The following NEFM variants were observed in gnomAD, a reference collection of about 807,000 sequenced individuals.
NEFM encodes neurofilament medium polypeptide.
NEFM carries 16 observed loss-of-function variants against 48.1 expected under a neutral mutation model. The observed-to-expected ratio is 0.33, with a 90% CI of 0.23 to 0.51. NEFM has a LOEUF of 0.51. NEFM is among the 20% of genes least tolerant of loss of function. The pLI is 0.98. For synonymous variants in NEFM, 465 were observed against 456.9 expected, an observed-to-expected ratio of 1.02 and a Z score of -0.23; for missense variants, 1,107 against 1,136.0, an observed-to-expected ratio of 0.97 and a Z score of 0.37.
rs141567711 is a variant in NEFM at position 24,915,136 on chromosome 8, C to T, written c.1080+263C>T. Reference sequence around the variant, plus strand: ...CATCTTTTCCAGTTCTAATTTTGCACGCTTGCACGTTTAAAGCAGGAGGGA... The same window carrying T: ...CATCTTTTCCAGTTCTAATTTTGCATGCTTGCACGTTTAAAGCAGGAGGGA... On this transcript the variant is annotated intron_variant, in intron 1 of 2. Transcript: ENST00000221166. The T allele has an allele frequency of 2.8e-4, 376 of 1,349,078 alleles. 2 individuals carry two copies. In the East Asian group the frequency reaches 0.011, roughly 38 times the overall value. 83.6% of individuals were successfully genotyped at this position (1,349,078 alleles called of 1,614,324 possible). A position where few individuals can be genotyped will look rare whatever the true frequency, so the allele number is the denominator to read the frequency against.
chr8:24,917,218 G>C lies in NEFM; in HGVS notation c.1363G>C (p.Glu455Gln). 6.2e-7 allele frequency: 1 copy of C among 1,614,124 alleles called. No homozygotes were observed. The change falls in exon 3 of 3, where the codon GAG (glutamate) becomes CAG (glutamine). Residue 455 changes from glutamate to glutamine, a missense_variant. By Grantham distance (29) the Glu-to-Gln change is conservative (BLOSUM62 2). This residue lies in a region of NEFM where 917 missense variants were observed against 916.4 expected (regional missense o/e 1.00). Transcript: ENST00000221166. ...TAAGGTCCAACACAAATTTGTCGAG[G>C]AGATCATAGAGGAAACCAAAGTGGA... ...KLKVQHKFVE[E>Q]IIEETKVEDE...
rs1289021128 is a variant in NEFM, at chr8:24,917,980, G to A, written c.2125G>A (p.Val709Ile). 6.2e-7 allele frequency: 1 copy of A among 1,611,110 alleles called. No individual in the cohort carries two copies. The highest frequency in any genetic ancestry group is 8.5e-7 in the Non-Finnish European group (1 of 1,178,402). ...GEQKEEEEKE[V>I]KEAPKEEKVE... Reference sequence around the variant, plus strand: ...ACAGAAAGAGGAAGAAGAAAAGGAAGTCAAGGAAGCTCCCAAGGAAGAGAA... The same window carrying A: ...ACAGAAAGAGGAAGAAGAAAAGGAAATCAAGGAAGCTCCCAAGGAAGAGAA... The change falls in exon 3 of 3, where the codon GTC (valine) becomes ATC (isoleucine). Residue 709 changes from valine to isoleucine, a missense_variant. Val to Ile is a conservative substitution (Grantham distance 29). Coordinates refer to ENST00000221166, the MANE Select transcript of NEFM (RefSeq NM_005382.2).
Position 24,913,960 on chromosome 8 carries a change from T to C in NEFM, c.167T>C (p.Met56Thr), listed in dbSNP as rs2117218999. The C allele has an allele frequency of 1.2e-6, 2 of 1,611,836 alleles. No homozygotes were observed. Among genetic ancestry groups the C allele is most frequent in the East Asian group, 2.2e-5 (1 of 44,826 alleles). Residue 56 changes from methionine to threonine, a missense_variant, in exon 1 of 3, where the codon ATG becomes ACG. By Grantham distance (81) the Met-to-Thr change is moderately conservative (BLOSUM62 -1). Coordinates refer to ENST00000221166, the MANE Select transcript of NEFM (RefSeq NM_005382.2). ...STVSSSYKRS[M>T]LAPRLAYSSA... is the part of the protein sequence containing the mutation. ...GTGTCCTCCTCCTATAAGCGCAGCA[T>C]GCTCGCCCCGCGCCTCGCTTACAGC...
Position 24,918,911 on chromosome 8 carries a change from G to A in NEFM, c.*305G>A, listed in dbSNP as rs1044377133. 5.2e-6 allele frequency: 2 copies of A among 381,344 alleles called. No homozygotes were observed. The highest frequency in any genetic ancestry group is 4.2e-5 in the Admixed American group (1 of 23,842). The allele number at this position is 381,344 out of a possible 1,614,324, so 23.6% of individuals were successfully genotyped here. A position where few individuals can be genotyped will look rare whatever the true frequency, so the allele number is the denominator to read the frequency against. On this transcript the variant is annotated 3_prime_UTR_variant, in exon 3 of 3. Coordinates refer to ENST00000221166, the MANE Select transcript of NEFM (RefSeq NM_005382.2). The stretch of plus-strand genomic sequence containing the variant: ...ACCAACTGAGCCAAAAACAATAAAC[G>A]AAACACAGAACTCAGCCTTAAGAAA...
intron 1 of NEFM, 142 bp from the exon 2 acceptor site, chr8:24,915,463 G>A (rs1359842822): frequency 2.2e-6 from 3 of 1,337,540 alleles, no homozygotes; most frequent in Non-Finnish European, 3.1e-6. Flanking sequence ...GTGGGACGGG[G>A]GGCTGGGAGT....
In NEFM at chr8:24,914,403, C is replaced by A. The variant is rs773238968; in HGVS notation, c.610C>A (p.Arg204Ser). Residue 204 changes from arginine (R) to serine (S), a missense_variant, in exon 1 of 3, where the codon CGC becomes AGC. Arg to Ser is a moderately radical substitution (Grantham distance 110, BLOSUM62 -1). Around this residue, in one of 3 missense-constraint regions of NEFM, gnomAD observed 917 missense variants for 916.4 expected, o/e 1.00. Coordinates refer to ENST00000221166, the MANE Select transcript of NEFM (RefSeq NM_005382.2). ...RLRDDTEAAI[R>S]ALRKDIEEAS... ...GCGCGACGACACTGAGGCGGCCATCCGCGCGCTGCGCAAAGACATCGAGGA... is the reference window on the plus strand; with the variant it reads ...GCGCGACGACACTGAGGCGGCCATCAGCGCGCTGCGCAAAGACATCGAGGA... 1.9e-6 allele frequency: 3 copies of A among 1,613,554 alleles called. No individual in the cohort carries two copies. The highest frequency in any genetic ancestry group is 2.5e-6 in the Non-Finnish European group (3 of 1,179,968).
chr8:24,917,306 T>C lies in NEFM; in HGVS notation c.1451T>C (p.Met484Thr), dbSNP rs1802589745. The C allele has an allele frequency of 6.2e-7, 1 of 1,613,478 alleles. No homozygotes were observed. Among genetic ancestry groups the C allele is most frequent in the Admixed American group, 1.7e-5 (1 of 59,954 alleles). Residue 484 changes from methionine (M) to threonine (T), a missense_variant, in exon 3 of 3, where the codon ATG becomes ACG. Transcript: ENST00000221166. ...TAITEELAVS[M>T]KEEKKEAAEE... Reference sequence around the variant, plus strand: ...ATTACAGAGGAATTGGCCGTTTCCATGAAGGAAGAGAAGAAAGAAGCAGCA... The same window carrying C: ...ATTACAGAGGAATTGGCCGTTTCCACGAAGGAAGAGAAGAAAGAAGCAGCA...
rs1456891550 is a variant in NEFM at position 24,918,063 on chromosome 8, C to A, written c.2208C>A (p.Ser736=). 1.9e-6 allele frequency: 3 copies of A among 1,553,328 alleles called. No individual in the cohort carries two copies. Among genetic ancestry groups the A allele is most frequent in the Middle Eastern group, 1.7e-4 (1 of 6,016 alleles). ...KDVPEKKKAE[S]PVKEEAVAEV... Reference sequence around the variant, plus strand: ...TGCCAGAGAAGAAGAAAGCTGAGTCCCCTGTAAAGGAGGAAGCTGTGGCAG... The same window carrying A: ...TGCCAGAGAAGAAGAAAGCTGAGTCACCTGTAAAGGAGGAAGCTGTGGCAG... Residue 736 remains serine, a synonymous_variant, in exon 3 of 3, where the codon TCC becomes TCA. Transcript: ENST00000221166.
At position 24,917,788 on chromosome 8, in the gene NEFM, A is replaced by C; in HGVS notation, c.1933A>C (p.Lys645Gln). 1 of 1,613,990 alleles carries C rather than the reference A, an allele frequency of 6.2e-7. No individual in the cohort carries two copies. Among genetic ancestry groups the C allele is most frequent in the South Asian group, 1.1e-5 (1 of 91,070 alleles). Residue 645 changes from lysine to glutamine, a missense_variant, in exon 3 of 3, where the codon AAG becomes CAG. Around this residue, in one of 3 missense-constraint regions of NEFM, gnomAD observed 917 missense variants for 916.4 expected, o/e 1.00. Transcript: ENST00000221166. ...AGAGAAAGGCAAGTCTCCTGTGCCC[A>C]AGTCACCAGTGGAAGAGAAAGGCAA... is the stretch of plus-strand genomic sequence containing the variant. ...VEEKGKSPVP[K>Q]SPVEEKGKSP... is the part of the protein sequence containing the mutation.
chr8:24,915,169 G>T (rs1802553771), intron 1 of NEFM: 9 of 1,321,322 alleles, frequency 6.8e-6, no homozygotes, highest in South Asian at 1.9e-5. Flanking sequence ...GGATGAATTC[G>T]GTAGTGGATA....
rs1162075710 is a variant in NEFM at position 24,914,725 on chromosome 8, G to T, written c.932G>T (p.Arg311Leu). Residue 311 changes from arginine (R) to leucine (L), a missense_variant, in exon 1 of 3, where the codon CGC becomes CTC. Arg to Leu is a moderately radical substitution (Grantham distance 102, BLOSUM62 -2). Coordinates refer to ENST00000221166, the MANE Select transcript of NEFM (RefSeq NM_005382.2). ...GCCGAGCAGAACAAGGAGGCCATCC[G>T]CTCCGCCAAGGAAGAGATCGCCGAG... ...EAAEQNKEAI[R>L]SAKEEIAEYR... 3.7e-6 allele frequency: 6 copies of T among 1,613,724 alleles called. No individual in the cohort carries two copies. The East Asian group carries it at 1.3e-4, about 36-fold the overall frequency.
In NEFM at chr8:24,914,124, C is replaced by A; in HGVS notation, c.331C>A (p.Arg111Ser). The A allele has an allele frequency of 6.2e-7, 1 of 1,613,110 alleles. No homozygotes were observed. Among genetic ancestry groups the A allele is most frequent in the Non-Finnish European group, 8.5e-7 (1 of 1,179,932 alleles). The change falls in exon 1 of 3, where the codon CGC (arginine) becomes AGC (serine). Residue 111 changes from arginine (R) to serine (S), a missense_variant. By Grantham distance (110) the Arg-to-Ser change is moderately radical. This residue lies in a region of NEFM where 186 missense variants were observed against 200.6 expected (regional missense o/e 0.93). Transcript: ENST00000221166. The part of the protein sequence containing the change: ...EKEQLQGLND[R>S]FAGYIEKVHY... ...GGAGCAGCTGCAGGGGCTGAACGAC[C>A]GCTTTGCCGGCTACATAGAGAAGGT... is the stretch of plus-strand genomic sequence containing the variant.
Position 24,914,021 on chromosome 8 carries a change from C to T in NEFM, c.228C>T (p.Asp76=), listed in dbSNP as rs762221717. 6.2e-7 allele frequency: 1 copy of T among 1,612,678 alleles called. No homozygotes were observed. The stretch of plus-strand genomic sequence containing the variant: ...TCAGCTCCGCCGAGAGCAGCCTTGA[C>T]TTCAGCCAGTCCTCGTCCCTGCTCA... ...AMLSSAESSL[D]FSQSSSLLNG... Residue 76 remains aspartate, a synonymous_variant, in exon 1 of 3, where the codon GAC becomes GAT. Transcript: ENST00000221166.
rs1802529736 is a variant in NEFM, at chr8:24,913,836, C to T, written c.43C>T (p.Arg15Trp). 2.5e-6 allele frequency: 4 copies of T among 1,599,808 alleles called. No homozygotes were observed. The highest frequency in any genetic ancestry group is 3.4e-6 in the Non-Finnish European group (4 of 1,173,482). Residue 15 changes from arginine (R) to tryptophan (W), a missense_variant, in exon 1 of 3, where the codon CGG (arginine) becomes TGG (tryptophan). This residue lies in a region of NEFM where 186 missense variants were observed against 200.6 expected (regional missense o/e 0.93). Transcript: ENST00000221166. ...CTCGCTGGGCAACCCGTCCGCCTAC[C>T]GGCGGGTAACCGAGACCCGCTCGAG... ...LDSLGNPSAY[R>W]RVTETRSSFS...
At position 24,917,096 on chromosome 8, in the gene NEFM, C is replaced by T. The variant is rs1183637716; in HGVS notation, c.1241C>T (p.Thr414Ile). ...GAGGGTGAAGAGACTAGATTTAGCA[C>T]ATTTGCAGGAAGCATCACTGGGCCA... ...LLEGEETRFSTFAGSITGPLY... is the reference protein window; with the variant it reads ...LLEGEETRFSIFAGSITGPLY... Residue 414 changes from threonine to isoleucine, a missense_variant, in exon 3 of 3, where the codon ACA (threonine) becomes ATA (isoleucine). By Grantham distance (89) the Thr-to-Ile change is moderately conservative. Around this residue, in one of 3 missense-constraint regions of NEFM, gnomAD observed 917 missense variants for 916.4 expected, o/e 1.00. Transcript: ENST00000221166. The T allele has an allele frequency of 1.2e-6, 2 of 1,614,010 alleles. No homozygotes were observed. The highest frequency in any genetic ancestry group is 1.3e-5 in the African/African-American group (1 of 74,892).
Position 24,914,624 on chromosome 8 carries a change from C to G in NEFM, c.831C>G (p.Leu277=), listed in dbSNP as rs1469301653. ...CGCTGAAGGAAATCCGCTCCCAGCT[C>G]GAAAGCCACTCAGACCAGAATATGC... is the stretch of plus-strand genomic sequence containing the variant. The part of the protein sequence containing the change: ...STALKEIRSQ[L]ESHSDQNMHQ... Residue 277 remains leucine (L), a synonymous_variant, in exon 1 of 3, where the codon CTC becomes CTG. Transcript: ENST00000221166. The G allele has an allele frequency of 6.2e-7, 1 of 1,614,162 alleles. No homozygotes were observed. The highest frequency in any genetic ancestry group is 8.5e-7 in the Non-Finnish European group (1 of 1,180,030).
At position 24,918,620 on chromosome 8, in the gene NEFM, T is replaced by A. The variant is rs1452121967; in HGVS notation, c.*14T>A. On this transcript the variant is annotated 3_prime_UTR_variant, in exon 3 of 3. Coordinates refer to ENST00000221166, the MANE Select transcript of NEFM (RefSeq NM_005382.2). ...CAGAGTGACTAAGATTTGAGTCCAT[T>A]GCAAAAGGTTAAGCCATATGACAAT... The A allele has an allele frequency of 6.4e-7, 1 of 1,572,824 alleles. No homozygotes were observed. The highest frequency in any genetic ancestry group is 2.2e-5 in the East Asian group (1 of 44,714).
At position 24,917,677 on chromosome 8, in the gene NEFM, G is replaced by C. The variant is rs368440835; in HGVS notation, c.1822G>C (p.Glu608Gln). The C allele has an allele frequency of 2.5e-6, 4 of 1,613,278 alleles. No individual in the cohort carries two copies. Among genetic ancestry groups the C allele is most frequent in the Non-Finnish European group, 3.4e-6 (4 of 1,180,016 alleles). The stretch of plus-strand genomic sequence containing the variant: ...GGAGCTGGTGGCAGATGCCAAGGTG[G>C]AAAAGCCAGAAAAAGCCAAGTCTCC... ...KEELVADAKV[E>Q]KPEKAKSPVP... The change falls in exon 3 of 3, where the codon GAA becomes CAA. Residue 608 changes from glutamate to glutamine, a missense_variant. Physicochemically the swap from Glu to Gln is conservative, Grantham distance 29. Around this residue, in one of 3 missense-constraint regions of NEFM, gnomAD observed 917 missense variants for 916.4 expected, o/e 1.00. Transcript: ENST00000221166.
At position 24,914,508 on chromosome 8, in the gene NEFM, G is replaced by A. The variant is rs1469245450; in HGVS notation, c.715G>A (p.Glu239Lys). The change falls in exon 1 of 3, where the codon GAG becomes AAG. Residue 239 changes from glutamate (E) to lysine (K), a missense_variant. Physicochemically the swap from Glu to Lys is moderately conservative, Grantham distance 56. This residue lies in a region of NEFM where 917 missense variants were observed against 916.4 expected (regional missense o/e 1.00). Coordinates refer to ENST00000221166, the MANE Select transcript of NEFM (RefSeq NM_005382.2). Reference sequence around the variant, plus strand: ...GGTGGCCTTCCTGCGGAGCAACCACGAGGAGGAGGTGGCCGACCTTCTGGC... The same window carrying A: ...GGTGGCCTTCCTGCGGAGCAACCACAAGGAGGAGGTGGCCGACCTTCTGGC... ...DEVAFLRSNHEEEVADLLAQI... is the reference protein window; with the variant it reads ...DEVAFLRSNHKEEVADLLAQI... 4 of 1,614,116 alleles carry A rather than the reference G, an allele frequency of 2.5e-6. No individual in the cohort carries two copies. The African/African-American group carries it at 5.3e-5, about 22-fold the overall frequency.
Sources: gnomAD v4.1 joint callset for allele counts on GRCh38, gnomAD v4.1.1 for gene constraint, gnomAD v4.1.1 regional missense constraint, MANE v1.5 for transcripts, NCBI Gene and HGNC (gene_info 2026-07-23, HGNC 2026-07-21) for gene names.